SFMBT1: variants seen among roughly 807,000 people sequenced by gnomAD.
SFMBT1 encodes the protein scm-like with four MBT domains protein 1.
Under a neutral mutation model 108.7 loss-of-function variants are expected in SFMBT1, and 32 were observed. That is an observed-to-expected ratio of 0.29 (90% CI 0.22 to 0.40). The LOEUF (loss-of-function observed/expected upper bound fraction) is 0.40. SFMBT1 is among the 10% of genes least tolerant of loss of function. The pLI is 1.00. For synonymous variants in SFMBT1, 348 were observed against 369.5 expected (o/e 0.94, Z 0.67); for missense variants, 816 against 1,059.6 (o/e 0.77, Z 3.19).
In SFMBT1 at chr3:52,955,400, G is replaced by A. The variant is rs531468989; in HGVS notation, c.29-989C>T. ...TGCACTCCAGCCTGGGTGACGGAGCGAGACTCTATCTCAAAAATAAATAAA... is the reference window on the plus strand; with the variant it reads ...TGCACTCCAGCCTGGGTGACGGAGCAAGACTCTATCTCAAAAATAAATAAA... On this transcript the variant is annotated intron_variant, in intron 2 of 20. Transcript: ENST00000394752. Among the ~76,000 whole-genome samples the A allele has an allele frequency of 2.2e-4, 34 of 151,664 alleles. 1 individual carries two copies. Among genetic ancestry groups the A allele is most frequent in the Admixed American group, 1.3e-3 (20 of 15,214 alleles).
chr3:52,933,005 C>T (rs954046437), intron 5 of SFMBT1, among the ~76,000 whole-genome samples: 2 of 152,086 alleles, frequency 1.3e-5, no homozygotes, highest in African/African-American at 4.8e-5. Flanking sequence ...GTCAAAGTCA[C>T]CTGTAATCCC....
chr3:52,928,648 A>G (rs1192122448), intron 8 of SFMBT1, among the ~76,000 whole-genome samples: 1 of 50,426 alleles, frequency 2.0e-5, no homozygotes, highest in African/African-American at 5.2e-5. Flanking sequence ...ATATATATAT[A>G]TATATACACA....
At chr3:52,953,417 G>C (rs1365068504) in intron 3 of SFMBT1, among the ~76,000 whole-genome samples, 2 of 149,360 alleles carry the variant, frequency 1.3e-5, no homozygotes, top group East Asian at 4.0e-4. Flanking sequence ...GGGCGATGGA[G>C]TGAGACACTG....
In SFMBT1 at chr3:52,904,432, C is replaced by T. The variant is rs1314022649; in HGVS notation, c.*704G>A. ...TTTAAGAAAGCAAACAGTTTCCCCC[C>T]CTCCAAATTCTGTCATAATTTTAGT... On this transcript the variant is annotated 3_prime_UTR_variant, in exon 21 of 21. Transcript: ENST00000394752. 1 of 152,306 alleles carries T rather than the reference C, an allele frequency of 6.6e-6. No individual in the cohort carries two copies. Among genetic ancestry groups the T allele is most frequent in the East Asian group, 1.9e-4 (1 of 5,184 alleles). 9.4% of individuals were successfully genotyped at this position (152,306 alleles called of 1,614,324 possible). A position where few individuals can be genotyped will look rare whatever the true frequency, so the allele number is the denominator to read the frequency against.
intron 1 of SFMBT1, among the ~76,000 whole-genome samples, chr3:53,040,348 C>G (rs1699997986): frequency 6.6e-6 from 1 of 152,174 alleles, no homozygotes; most frequent in Non-Finnish European, 1.5e-5. Flanking sequence ...AAGAAAAACT[C>G]CTGAGGCATT....
chr3:52,938,806 T>C (rs1703099545), intron 4 of SFMBT1, among the ~76,000 whole-genome samples: 1 of 152,228 alleles, frequency 6.6e-6, no homozygotes, highest in Non-Finnish European at 1.5e-5. Context: ...TCTATAGCTA[T>C]ACATATATTT....
At position 52,911,196 on chromosome 3, in the gene SFMBT1, C is replaced by T; in HGVS notation, c.1731-18G>A. 3 of 1,581,014 alleles carry T rather than the reference C, an allele frequency of 1.9e-6. No homozygotes were observed. Among genetic ancestry groups the T allele is most frequent in the Non-Finnish European group, 2.6e-6 (3 of 1,164,948 alleles). ...CTTTATATCTGCCATTGGAAGACAT[C>T]AGATGCCAAATATATTGGGCTAATG... On this transcript the variant is annotated intron_variant, in intron 16 of 20. Transcript: ENST00000394752.
At chr3:53,005,697 CAT>C (rs1290933783) in intron 1 of SFMBT1, among the ~76,000 whole-genome samples, 1 of 152,200 alleles carries the variant, frequency 6.6e-6, no homozygotes, top group Non-Finnish European at 1.5e-5. Context: ...CAACACACAA[CAT>C]GTGTTTCAGG....
At position 53,000,262 on chromosome 3, in the gene SFMBT1, CT is replaced by C. The variant is rs144089705; in HGVS notation, c.-130-31005del. ...TTGTAATGTTTTTTCTCTTAAGCCA[CT>C]TTTTTTTTTTTTTGCAATGCCTTCC... is the stretch of plus-strand genomic sequence containing the variant. On this transcript the variant is annotated intron_variant, in intron 1 of 20. Transcript: ENST00000394752. 0.014 allele frequency among the ~76,000 whole-genome samples: 1,942 copies of C among 134,792 alleles called. 153 individuals carry two copies. In the South Asian group the frequency reaches 0.18, roughly 12 times the overall value. 88.4% of individuals were successfully genotyped at this position (134,792 alleles called of 152,430 possible). A position where few individuals can be genotyped will look rare whatever the true frequency, so the allele number is the denominator to read the frequency against.
At chr3:52,982,399 A>T (rs898008124) in intron 1 of SFMBT1, among the ~76,000 whole-genome samples, 3 of 152,204 alleles carry the variant, frequency 2.0e-5, no homozygotes, top group Admixed American at 2.0e-4. Flanking sequence ...AAGAGGTTGT[A>T]GATACGGCCA....
At chr3:52,916,059 T>C in intron 14 of SFMBT1, 91 bp downstream of exon 14, 1 of 1,055,592 alleles carries the variant, frequency 9.5e-7, no homozygotes, top group Non-Finnish European at 1.4e-6. Flanking sequence ...ACACATACTA[T>C]ACATCAAATG....
chr3:52,999,241 A>T (rs1486619682), intron 1 of SFMBT1, among the ~76,000 whole-genome samples: 3 of 150,640 alleles, frequency 2.0e-5, no homozygotes, highest in African/African-American at 7.3e-5. Context: ...CCCGGGGTGA[A>T]GGTGGATAAG....
intron 1 of SFMBT1, among the ~76,000 whole-genome samples, chr3:53,010,783 T>A (rs544672534): frequency 6.6e-6 from 1 of 152,196 alleles, no homozygotes; most frequent in African/African-American, 2.4e-5. Context: ...AGCTTCTCCA[T>A]TGAATTTTAA....
rs1255930250 is a variant in SFMBT1 at position 53,003,458 on chromosome 3, TGA to T, written c.-130-34202_-130-34201del. Among the ~76,000 whole-genome samples, 6 of 150,356 alleles carry T rather than the reference TGA, an allele frequency of 4.0e-5. No homozygotes were observed. The Admixed American group carries it at 4.0e-4, about 10-fold the overall frequency. ...AGGGACGCAAAATTGTGAACGTGCA[TGA>T]GAGCAAAGTATAGATAAAACAAGTG... On this transcript the variant is annotated intron_variant, in intron 1 of 20. Coordinates refer to ENST00000394752, the MANE Select transcript of SFMBT1 (RefSeq NM_016329.4).
intron 1 of SFMBT1, among the ~76,000 whole-genome samples, chr3:53,017,764 AT>A (rs1699174916): frequency 6.6e-6 from 1 of 152,196 alleles, no homozygotes; most frequent in Admixed American, 6.5e-5. Flanking sequence ...CCTTAACAAA[AT>A]GAGCATGACT....
chr3:52,981,362 G>A (rs1369458711), intron 1 of SFMBT1, among the ~76,000 whole-genome samples: 1 of 150,058 alleles, frequency 6.7e-6, no homozygotes, highest in Non-Finnish European at 1.5e-5. Flanking sequence ...ACCTGAATAG[G>A]TTTCTGTGGA....
At chr3:53,031,015 C>T (rs72965361) in intron 1 of SFMBT1, among the ~76,000 whole-genome samples, 5 of 152,072 alleles carry the variant, frequency 3.3e-5, no homozygotes, top group East Asian at 1.9e-4. Flanking sequence ...AAGCATGATG[C>T]GGGGCAGGGG....
Position 52,912,599 on chromosome 3 carries a change from G to A in SFMBT1, c.1669C>T (p.Arg557Trp), listed in dbSNP as rs775415477. The A allele has an allele frequency of 2.5e-6, 4 of 1,613,964 alleles. No individual in the cohort carries two copies. The highest frequency in any genetic ancestry group is 3.4e-6 in the Non-Finnish European group (4 of 1,179,982). Reference protein sequence around the residue: ...NAAYKPSRVLRELQLDKDSVW... With the variant: ...NAAYKPSRVLWELQLDKDSVW... Reference sequence around the variant, plus strand: ...GAGTCTTTGTCCAGCTGGAGCTCCCGAAGGACACGGCTGGGTTTGTAGGCT... The same window carrying A: ...GAGTCTTTGTCCAGCTGGAGCTCCCAAAGGACACGGCTGGGTTTGTAGGCT... Residue 557 changes from arginine (R) to tryptophan (W), a missense_variant, in exon 16 of 21, where the codon CGG becomes TGG. Coordinates refer to ENST00000394752, the MANE Select transcript of SFMBT1 (RefSeq NM_016329.4).
At chr3:52,984,381 C>T (rs1310746714) in intron 1 of SFMBT1, among the ~76,000 whole-genome samples, 2 of 151,268 alleles carry the variant, frequency 1.3e-5, no homozygotes, top group Non-Finnish European at 2.9e-5. Context: ...TTTTAGACAG[C>T]AAGAATGGGG....
Sources: allele counts gnomAD v4.1 joint callset (sites outside exome capture counted in the v4.1 genomes callset), GRCh38; gene constraint gnomAD v4.1.1; transcripts MANE v1.5; gene names NCBI Gene and HGNC (gene_info 2026-07-23, HGNC 2026-07-21).